DOCK2: variants seen among roughly 807,000 people sequenced by gnomAD.
DOCK2 encodes dedicator of cytokinesis 2, also known as dedicator of cytokinesis protein 2.
Under a neutral mutation model 248.9 loss-of-function variants are expected in DOCK2, and 87 were observed. The observed-to-expected ratio is 0.35, with a 90% CI of 0.29 to 0.42. DOCK2 has a LOEUF of 0.42. Among genes scored for constraint, DOCK2 ranks in the 10% least tolerant of loss-of-function variants. The pLI is 1.00. For synonymous variants in DOCK2, 805 were observed against 821.6 expected (o/e 0.98, Z 0.35); for missense variants, 1,747 against 2,300.2 (o/e 0.76, Z 4.92).
chr5:169,907,656 G>A (rs1277201395), intron 27 of DOCK2, among the ~76,000 whole-genome samples: 1 of 152,204 alleles, frequency 6.6e-6, no homozygotes, highest in Non-Finnish European at 1.5e-5. Flanking sequence ...GGCTCAGAGA[G>A]GTCAAATTCT....
At chr5:169,687,869 T>A (rs1020319600) in intron 8 of DOCK2, among the ~76,000 whole-genome samples, 1 of 152,190 alleles carries the variant, frequency 6.6e-6, no homozygotes. Flanking sequence ...AAAGCCTATG[T>A]GGTCTGGCCT....
Position 170,050,329 on chromosome 5 carries a change from TC to T in DOCK2, c.4149del (p.Asn1384MetfsTer5), listed in dbSNP as rs1202186349. ...TTCCAGATGCAGCTGATGACCCAGT[TC>T]CCCAATGCAGAGAAGATGAACACCA... ...EDFQMQLMTQ[F>X]PNAEKMNTTS... On this transcript the variant is annotated frameshift_variant, in exon 41 of 52. Coordinates refer to ENST00000520908, the MANE Select transcript of DOCK2 (RefSeq NM_004946.3). LOFTEE classifies it high-confidence loss of function. 1 of 1,613,984 alleles carries T rather than the reference TC, an allele frequency of 6.2e-7. No individual in the cohort carries two copies. The highest frequency in any genetic ancestry group is 8.5e-7 in the Non-Finnish European group (1 of 1,180,018).
chr5:169,689,640 C>G (rs1760181005), intron 9 of DOCK2, among the ~76,000 whole-genome samples: 1 of 152,194 alleles, frequency 6.6e-6, no homozygotes, highest in South Asian at 2.1e-4. Flanking sequence ...CCCAGGTGAA[C>G]TGGGCACAAC....
Position 169,718,739 on chromosome 5 carries a change from G to A in DOCK2, c.2215G>A (p.Ala739Thr). 6.2e-7 allele frequency: 1 copy of A among 1,613,922 alleles called. No homozygotes were observed. Among genetic ancestry groups the A allele is most frequent in the Non-Finnish European group, 8.5e-7 (1 of 1,179,888 alleles). Residue 739 changes from alanine (A) to threonine (T), a missense_variant, in exon 22 of 52, where the codon GCT (alanine) becomes ACT (threonine). Transcript: ENST00000520908. ...QCEPILRTLK[A>T]LEYVFKFIVR... ...TGAGCCAATCCTAAGAACGCTGAAG[G>A]CTTTGGAATATGTGTTCAAGTTCAT...
intron 15 of DOCK2, among the ~76,000 whole-genome samples, chr5:169,710,448 C>A (rs1311915934): frequency 2.0e-5 from 3 of 152,176 alleles, no homozygotes; most frequent in African/African-American, 7.2e-5. Flanking sequence ...CTGTATAATG[C>A]CTGAAAGATG....
chr5:170,017,901 G>C (rs192998425), intron 32 of DOCK2, among the ~76,000 whole-genome samples: 5 of 151,938 alleles, frequency 3.3e-5, no homozygotes, highest in African/African-American at 1.2e-4. Context: ...CAACAGCTGG[G>C]TATCACTTTT....
At chr5:170,071,209 TG>T (rs888805793) in intron 46 of DOCK2, among the ~76,000 whole-genome samples, 5 of 152,236 alleles carry the variant, frequency 3.3e-5, no homozygotes, top group African/African-American at 9.6e-5. Flanking sequence ...CTTCCCTACC[TG>T]TTTCATTCCG....
At chr5:170,082,760 G>T in intron 51 of DOCK2, 36 bp from the exon 52 acceptor site, 3 of 1,613,224 alleles carry the variant, frequency 1.9e-6, no homozygotes. Context: ...TCTGATAATC[G>T]CATCTTGGTT....
chr5:169,659,712 C>G (rs1758336510), intron 2 of DOCK2, among the ~76,000 whole-genome samples: 1 of 152,154 alleles, frequency 6.6e-6, no homozygotes, highest in Non-Finnish European at 1.5e-5. Flanking sequence ...ACTTCATTGC[C>G]CATATTATAT....
Position 170,078,967 on chromosome 5 carries a change from C to A in DOCK2, c.4995-8C>A. 3 of 1,613,716 alleles carry A rather than the reference C, an allele frequency of 1.9e-6. No individual in the cohort carries two copies. Among genetic ancestry groups the A allele is most frequent in the Non-Finnish European group, 2.5e-6 (3 of 1,179,736 alleles). The stretch of plus-strand genomic sequence containing the variant: ...GCAGTTTCTATTGCTGCCCCTCTGG[C>A]CTTTCAGCTTTGACCTGGAATTAGC... On this transcript the variant is annotated splice_region_variant and splice_polypyrimidine_tract_variant and intron_variant, in intron 48 of 51. Transcript: ENST00000520908.
intron 27 of DOCK2, among the ~76,000 whole-genome samples, chr5:169,950,514 A>G (rs1484164160): frequency 6.6e-6 from 1 of 152,226 alleles, no homozygotes; most frequent in Non-Finnish European, 1.5e-5. Context: ...TTTGGGCCAC[A>G]CAACATGGCC....
intron 23 of DOCK2, among the ~76,000 whole-genome samples, chr5:169,756,821 A>G (rs1344677997): frequency 6.6e-6 from 1 of 151,902 alleles, no homozygotes; most frequent in Non-Finnish European, 1.5e-5. Flanking sequence ...GCTACTCAGG[A>G]GGCTGAGGCA....
rs1278975525 is a variant in DOCK2 at position 169,941,042 on chromosome 5, G to T, written c.2800-42026G>T. On this transcript the variant is annotated intron_variant, in intron 27 of 51. Transcript: ENST00000520908. Reference sequence around the variant, plus strand: ...CAGAAAGCCTGCCCTCATGAAGTGTGCTTCAGTGGGGTAGGCAGATATTAA... The same window carrying T: ...CAGAAAGCCTGCCCTCATGAAGTGTTCTTCAGTGGGGTAGGCAGATATTAA... Among the ~76,000 whole-genome samples, 3 of 152,316 alleles carry T rather than the reference G, an allele frequency of 2.0e-5. 1 individual carries two copies. Among genetic ancestry groups the T allele is most frequent in the Admixed American group, 2.0e-4 (3 of 15,304 alleles).
At chr5:169,794,242 T>C (rs923581832) in intron 25 of DOCK2, among the ~76,000 whole-genome samples, 5 of 152,160 alleles carry the variant, frequency 3.3e-5, no homozygotes, top group African/African-American at 1.2e-4. Flanking sequence ...GTTCAAAAGT[T>C]ACCTTTTGTG....
chr5:169,924,240 G>A (rs1035373840), intron 27 of DOCK2, among the ~76,000 whole-genome samples: 1 of 152,178 alleles, frequency 6.6e-6, no homozygotes, highest in East Asian at 1.9e-4. Flanking sequence ...ACTAGCTCTG[G>A]CCCTGAGCTG....
chr5:170,069,026 T>C lies in DOCK2; in HGVS notation c.4645-111T>C, dbSNP rs530081100. The C allele has an allele frequency of 3.8e-4, 338 of 889,170 alleles. No homozygotes were observed. In the African/African-American group the frequency reaches 4.7e-3, roughly 12 times the overall value. The allele number at this position is 889,170 out of a possible 1,614,324, so 55.1% of individuals were successfully genotyped here. A position where few individuals can be genotyped will look rare whatever the true frequency, so the allele number is the denominator to read the frequency against. ...GTTACTCTTGTTCCATCCACATGCC[T>C]GTGACCTCATCCTTGCCCCTTTCAA... On this transcript the variant is annotated intron_variant, in intron 45 of 51. Transcript: ENST00000520908.
chr5:170,019,142 G>T (rs1326816017), intron 33 of DOCK2, 34 bp downstream of exon 33: 1 of 1,613,350 alleles, frequency 6.2e-7, no homozygotes, highest in Non-Finnish European at 8.5e-7. Flanking sequence ...ATGCCAGCAT[G>T]CCTAATCCCC....
intron 50 of DOCK2, 49 bp from the exon 51 acceptor site, chr5:170,081,793 G>T (rs764588220): frequency 3.5e-6 from 5 of 1,433,708 alleles, no homozygotes; most frequent in South Asian, 1.6e-5. Context: ...CCAAGGCACT[G>T]CCCCTCCTCT....
intron 26 of DOCK2, among the ~76,000 whole-genome samples, chr5:169,812,580 G>T (rs762520543): frequency 3.7e-4 from 56 of 152,300 alleles, no homozygotes; most frequent in Non-Finnish European, 6.3e-4. Context: ...GGCTAGGGAT[G>T]GCTGCTCTAA....
Sources: gnomAD v4.1 joint callset for allele counts (sites outside exome capture counted in the v4.1 genomes callset) on GRCh38, gnomAD v4.1.1 for gene constraint, MANE v1.5 for transcripts, NCBI Gene and HGNC (gene_info 2026-07-23, HGNC 2026-07-21) for gene names.